Variants in CEP290 observed in about 807,000 individuals in gnomAD.
The protein encoded by CEP290 is centrosomal protein of 290 kDa.
CEP290 carries 317 observed loss-of-function variants against 344.9 expected under a neutral mutation model. The ratio of observed to expected loss-of-function variants is 0.92; its 90% confidence interval spans 0.84 to 1.01. The LOEUF (loss-of-function observed/expected upper bound fraction) is 1.01. Among genes scored for constraint, CEP290 ranks in the 50% least tolerant of loss-of-function variants. The probability of loss-of-function intolerance (pLI) is 0.00; values close to 1 mark genes in which losing one functional copy is unlikely to be tolerated. For missense variants in CEP290, 2,754 were observed against 2,761.4 expected, an observed-to-expected ratio of 1.00 and a Z score of 0.06; for synonymous variants, 932 against 895.8, an observed-to-expected ratio of 1.04 and a Z score of -0.72.
chr12:88,136,681 C>T lies in CEP290; in HGVS notation c.403G>A (p.Glu135Lys). The T allele has an allele frequency of 6.2e-6, 10 of 1,613,660 alleles. No individual in the cohort carries two copies. The highest frequency in any genetic ancestry group is 8.5e-6 in the Non-Finnish European group (10 of 1,179,706). ...EQKDRELEDM[E>K]KELEKEKKVN... is the part of the protein sequence containing the mutation. ...TTCTTCTCTTTCTCCAACTCCTTTT[C>T]CATGTCCTCCAATTCTCTATCTTTT... Residue 135 changes from glutamate (E) to lysine (K), a missense_variant, in exon 6 of 54, where the codon GAA becomes AAA. By Grantham distance (56) the Glu-to-Lys change is moderately conservative (BLOSUM62 1). Transcript: ENST00000552810.
intron 46 of CEP290, among the ~76,000 whole-genome samples, chr12:88,062,191 C>G (rs2034533406): frequency 6.6e-6 from 1 of 152,096 alleles, no homozygotes; most frequent in Non-Finnish European, 1.5e-5. Flanking sequence ...TGACACTCAG[C>G]AACATGAAAT....
At chr12:88,060,777 A>C in intron 47 of CEP290, 53 bp downstream of exon 47, 1 of 1,347,630 alleles carries the variant, frequency 7.4e-7, no homozygotes, top group Non-Finnish European at 1.0e-6. Context: ...TTTCCTAAAT[A>C]GTAACAAAAC....
chr12:88,116,645 A>G (rs1459077281), intron 18 of CEP290, among the ~76,000 whole-genome samples: 4 of 152,182 alleles, frequency 2.6e-5, no homozygotes, highest in Non-Finnish European at 5.9e-5. Context: ...GATGTTCAAG[A>G]ATGAGATAAA....
At chr12:88,073,562 T>C (rs916670267) in intron 41 of CEP290, among the ~76,000 whole-genome samples, 1 of 152,166 alleles carries the variant, frequency 6.6e-6, no homozygotes, top group Non-Finnish European at 1.5e-5. Flanking sequence ...TCAATTATAA[T>C]AGTAAAGGGG....
chr12:88,083,862 G>A lies in CEP290; in HGVS notation c.4797C>T (p.Phe1599=), dbSNP rs1230397335. 1 of 1,578,190 alleles carries A rather than the reference G, an allele frequency of 6.3e-7. No homozygotes were observed. The highest frequency in any genetic ancestry group is 1.2e-5 in the South Asian group (1 of 84,396). The change falls in exon 36 of 54, where the codon TTC becomes TTT. Residue 1599 remains phenylalanine, a synonymous_variant. Transcript: ENST00000552810. The stretch of plus-strand genomic sequence containing the variant: ...AGAATCTTACCCAAGCCGTTTGTTT[G>A]AATTTATTTAGTGAACTATCAGCCT... The part of the protein sequence containing the change: ...ELQADSSLNK[F]KQTAWDLMKQ...
chr12:88,059,549 A>G (rs183865456), intron 48 of CEP290, among the ~76,000 whole-genome samples: 4 of 152,218 alleles, frequency 2.6e-5, no homozygotes, highest in African/African-American at 9.6e-5. Flanking sequence ...CTGGGACTAC[A>G]GGCGCCCGCC....
At chr12:88,089,521 T>C (rs2036858174) in intron 30 of CEP290, 34 bp from the exon 31 acceptor site, 5 of 1,349,138 alleles carry the variant, frequency 3.7e-6, no homozygotes, top group African/African-American at 2.9e-5. Flanking sequence ...TTGTAGTAAG[T>C]TTCAAATTTT....
rs534542740 is a variant in CEP290, at chr12:88,060,085, T to C, written c.6523-65A>G. The C allele has an allele frequency of 2.6e-5, 33 of 1,274,888 alleles. No individual in the cohort carries two copies. In the African/African-American group the frequency reaches 4.6e-4, roughly 18 times the overall value. 79.0% of individuals were successfully genotyped at this position (1,274,888 alleles called of 1,614,324 possible). A position where few individuals can be genotyped will look rare whatever the true frequency, so the allele number is the denominator to read the frequency against. ...AAAACAAGGAAATAAAAGATAATCT[T>C]ATAAACTCATAAATCTTCAAAGTAG... is the stretch of plus-strand genomic sequence containing the variant. On this transcript the variant is annotated intron_variant, in intron 47 of 53. Coordinates refer to ENST00000552810, the MANE Select transcript of CEP290 (RefSeq NM_025114.4).
chr12:88,087,750 G>GA (rs1248451446), intron 32 of CEP290, 30 bp downstream of exon 32: 9 of 852,964 alleles, frequency 1.1e-5, no homozygotes, highest in Admixed American at 8.8e-5. Context: ...AAAACTTAGG[G>GA]AAAAAAATGA....
intron 18 of CEP290, 166 bp from the exon 19 acceptor site, chr12:88,115,348 A>G (rs2038975273): frequency 1.5e-6 from 1 of 679,610 alleles, no homozygotes; most frequent in South Asian, 1.9e-5. Context: ...AAATCTAAAC[A>G]GTAAAGCAGA....
Position 88,095,396 on chromosome 12 carries a change from G to A in CEP290, c.3104-1421C>T, listed in dbSNP as rs149107796. 7.6e-3 allele frequency among the ~76,000 whole-genome samples: 1,148 copies of A among 152,014 alleles called. 20 individuals carry two copies. Among genetic ancestry groups the A allele is most frequent in the African/African-American group, 0.027 (1,100 of 41,448 alleles). On this transcript the variant is annotated intron_variant, in intron 27 of 53. Transcript: ENST00000552810. ...AATAGGGAAACACTCTTAAAACTTCGGTGATATAAATCCATATATGAAAGA... is the reference window on the plus strand; with the variant it reads ...AATAGGGAAACACTCTTAAAACTTCAGTGATATAAATCCATATATGAAAGA...
At chr12:88,075,612 G>A (rs1320587155) in intron 41 of CEP290, among the ~76,000 whole-genome samples, 1 of 152,040 alleles carries the variant, frequency 6.6e-6, no homozygotes, top group Non-Finnish European at 1.5e-5. Context: ...TAAATGCTAA[G>A]GAGAATGAAA....
chr12:88,129,502 T>C lies in CEP290; in HGVS notation c.852+192A>G, dbSNP rs529121648. Among the ~76,000 whole-genome samples the C allele has an allele frequency of 4.6e-5, 7 of 151,988 alleles. No homozygotes were observed. In the South Asian group the frequency reaches 1.5e-3, roughly 32 times the overall value. On this transcript the variant is annotated intron_variant, in intron 10 of 53. Coordinates refer to ENST00000552810, the MANE Select transcript of CEP290 (RefSeq NM_025114.4). Reference sequence around the variant, plus strand: ...CAAGTATCATTTATATATCCTAAATTGCAAAAATTAGTGTTTGTGAGGTGA... The same window carrying C: ...CAAGTATCATTTATATATCCTAAATCGCAAAAATTAGTGTTTGTGAGGTGA...
At position 88,098,484 on chromosome 12, in the gene CEP290, T is replaced by C. The variant is rs572073655; in HGVS notation, c.2992-1485A>G. On this transcript the variant is annotated intron_variant, in intron 26 of 53. Transcript: ENST00000552810. ...AAAATTAGCTGAGCATGGTGATGCA[T>C]ACCTGTAATCCCAGCTATTTTGGAG... Among the ~76,000 whole-genome samples the C allele has an allele frequency of 2.6e-5, 4 of 151,570 alleles. No individual in the cohort carries two copies. In the South Asian group the frequency reaches 8.4e-4, roughly 32 times the overall value.
chr12:88,106,135 T>C (rs561426361), intron 25 of CEP290, among the ~76,000 whole-genome samples: 1 of 152,302 alleles, frequency 6.6e-6, no homozygotes, highest in African/African-American at 2.4e-5. Flanking sequence ...CAATATAAAG[T>C]ATAGAACACT....
chr12:88,057,447 C>T (rs1185446363), intron 49 of CEP290, among the ~76,000 whole-genome samples: 3 of 152,152 alleles, frequency 2.0e-5, no homozygotes, highest in South Asian at 2.1e-4. Context: ...AACAAAGGAA[C>T]GACCAAGAAA....
intron 32 of CEP290, among the ~76,000 whole-genome samples, chr12:88,086,963 A>G (rs1411992455): frequency 1.3e-5 from 2 of 152,216 alleles, no homozygotes; most frequent in Non-Finnish European, 2.9e-5. Flanking sequence ...GAATCTGGAT[A>G]GTAGGATTTA....
chr12:88,063,253 T>C (rs564947630), intron 45 of CEP290, among the ~76,000 whole-genome samples: 1 of 151,252 alleles, frequency 6.6e-6, no homozygotes, highest in South Asian at 2.1e-4. Flanking sequence ...TCATTACCAG[T>C]GGAATTAACA....
In CEP290 at chr12:88,131,028, C is replaced by T. The variant is rs1008285644; in HGVS notation, c.495+137G>A. 1.3e-5 allele frequency: 8 copies of T among 635,252 alleles called. No homozygotes were observed. In the African/African-American group the frequency reaches 1.4e-4, roughly 11 times the overall value. 39.4% of individuals were successfully genotyped at this position (635,252 alleles called of 1,614,324 possible). On this transcript the variant is annotated intron_variant, in intron 7 of 53. Transcript: ENST00000552810. ...GTTTTCTATTTCCCTGAGACAAAGT[C>T]ATACCATAAAATCAGTCTGAAAACA...
Sources: allele counts gnomAD v4.1 joint callset (sites outside exome capture counted in the v4.1 genomes callset), GRCh38; gene constraint gnomAD v4.1.1; transcripts MANE v1.5; gene names NCBI Gene and HGNC (gene_info 2026-07-23, HGNC 2026-07-21).